Variants in SAMD4A observed in about 807,000 individuals in gnomAD.
SAMD4A encodes sterile alpha motif domain containing 4A, also known as protein Smaug homolog 1.
Under a neutral mutation model 81.3 loss-of-function variants are expected in SAMD4A, and 33 were observed. The ratio of observed to expected loss-of-function variants is 0.41; its 90% CI spans 0.31 to 0.54. SAMD4A has a LOEUF of 0.54. Among genes scored for constraint, SAMD4A ranks in the 20% least tolerant of loss-of-function variants. SAMD4A has a pLI of 0.37. For missense variants in SAMD4A, 854 were observed against 951.1 expected, an observed-to-expected ratio of 0.90 and a Z score of 1.34; for synonymous variants, 389 against 382.1, an observed-to-expected ratio of 1.02 and a Z score of -0.21.
At chr14:54,586,872 T>G (rs575672096) in intron 2 of SAMD4A, among the ~76,000 whole-genome samples, 1 of 152,286 alleles carries the variant, frequency 6.6e-6, no homozygotes, top group South Asian at 2.1e-4. Context: ...TCCTCCAGAT[T>G]TGTGATTCTT....
At chr14:54,632,281 T>C (rs1409547836) in intron 2 of SAMD4A, among the ~76,000 whole-genome samples, 1 of 152,216 alleles carries the variant, frequency 6.6e-6, no homozygotes, top group Non-Finnish European at 1.5e-5. Context: ...CTTTTGGAAA[T>C]CTCAATCTGG....
At chr14:54,583,721 A>T (rs2033540037) in intron 2 of SAMD4A, among the ~76,000 whole-genome samples, 1 of 152,254 alleles carries the variant, frequency 6.6e-6, no homozygotes, top group Admixed American at 6.5e-5. Flanking sequence ...TAGAATGGAT[A>T]CTGGAATCTA....
At chr14:54,751,674 AATGAT>A in intron 6 of SAMD4A, 137 bp downstream of exon 6, 2 of 685,014 alleles carry the variant, frequency 2.9e-6, no homozygotes, top group Non-Finnish European at 5.2e-6. Flanking sequence ...GAGAAAACGG[AATGAT>A]TTTGAAGTGA....
chr14:54,584,311 T>C (rs1190785668), intron 2 of SAMD4A, among the ~76,000 whole-genome samples: 1 of 152,218 alleles, frequency 6.6e-6, no homozygotes, highest in African/African-American at 2.4e-5. Flanking sequence ...TGGAGTGTCT[T>C]GCATGTGCAG....
intron 8 of SAMD4A, among the ~76,000 whole-genome samples, chr14:54,767,942 G>A (rs952221067): frequency 6.6e-6 from 1 of 152,204 alleles, no homozygotes; most frequent in African/African-American, 2.4e-5. Context: ...GGAGCCCGCT[G>A]CCCATTGAGG....
rs1380420217 is a variant in SAMD4A, at chr14:54,792,870, A to G, written c.*3926A>G. On this transcript the variant is annotated 3_prime_UTR_variant, in exon 13 of 13. Coordinates refer to ENST00000554335, the MANE Select transcript of SAMD4A (RefSeq NM_015589.6). ...ACAGAAAACTTCCTCCCTTATTAAT[A>G]TATAATCCTCATGTATTTATGCCTA... 6.6e-6 allele frequency: 1 copy of G among 152,206 alleles called. No individual in the cohort carries two copies. Among genetic ancestry groups the G allele is most frequent in the African/African-American group, 2.4e-5 (1 of 41,456 alleles). The allele number at this position is 152,206 out of a possible 1,614,324, so 9.4% of individuals were successfully genotyped here.
At chr14:54,586,771 T>C (rs1276229566) in intron 2 of SAMD4A, among the ~76,000 whole-genome samples, 1 of 152,206 alleles carries the variant, frequency 6.6e-6, no homozygotes, top group Non-Finnish European at 1.5e-5. Context: ...CTCTATTTTG[T>C]TCCATTGGTC....
In SAMD4A at chr14:54,574,470, A is replaced by G. The variant is rs142115002; in HGVS notation, c.196+6358A>G. On this transcript the variant is annotated intron_variant, in intron 2 of 12. Coordinates refer to ENST00000554335, the MANE Select transcript of SAMD4A (RefSeq NM_015589.6). Reference sequence around the variant, plus strand: ...ATGCAGGGAACTCTGTGCATGTGCCATGGAAGGGGCAGGCTTCCTGGGCCT... The same window carrying G: ...ATGCAGGGAACTCTGTGCATGTGCCGTGGAAGGGGCAGGCTTCCTGGGCCT... Among the ~76,000 whole-genome samples, 500 of 152,262 alleles carry G rather than the reference A, an allele frequency of 3.3e-3. 1 individual carries two copies. The highest frequency in any genetic ancestry group is 0.011 in the African/African-American group (457 of 41,536).
At chr14:54,596,240 A>C (rs911670378) in intron 2 of SAMD4A, among the ~76,000 whole-genome samples, 1 of 152,194 alleles carries the variant, frequency 6.6e-6, no homozygotes, top group African/African-American at 2.4e-5. Context: ...TTGGCAAAGC[A>C]TACCAGAAAT....
chr14:54,625,381 C>A (rs2034720628), intron 2 of SAMD4A, among the ~76,000 whole-genome samples: 1 of 152,208 alleles, frequency 6.6e-6, no homozygotes, highest in Admixed American at 6.5e-5. Context: ...GTCTTCCCTG[C>A]ACCAGGGTGT....
At chr14:54,565,975 C>A (rs2140086044), upstream of SAMD4A, among the ~76,000 whole-genome samples, 1 of 152,076 alleles carries the variant, frequency 6.6e-6, no homozygotes, top group South Asian at 2.1e-4. This position sits in a 1 kb window ranked among gnomAD's most constrained non-coding sequence, Gnocchi z 5.4. Flanking sequence ...CGGGGTTCCT[C>A]CCCCCGGCTC....
chr14:54,654,096 T>C (rs568801357), intron 2 of SAMD4A, among the ~76,000 whole-genome samples: 31 of 152,354 alleles, frequency 2.0e-4, no homozygotes, highest in African/African-American at 7.2e-4. Flanking sequence ...TCAGGAATTA[T>C]GTTTTGCTCC....
chr14:54,721,244 T>A (rs143565748), intron 3 of SAMD4A, among the ~76,000 whole-genome samples: 274 of 152,332 alleles, frequency 1.8e-3, no homozygotes, highest in Admixed American at 3.1e-3. Context: ...ATATTGTAGA[T>A]GTTCAATAAA....
intron 2 of SAMD4A, among the ~76,000 whole-genome samples, chr14:54,618,538 T>C (rs553577925): frequency 1.3e-5 from 2 of 152,364 alleles, no homozygotes; most frequent in African/African-American, 2.4e-5. Context: ...TTATCAAATT[T>C]CTCTTTAAAC....
chr14:54,677,084 G>C (rs987084287), intron 2 of SAMD4A, among the ~76,000 whole-genome samples: 6 of 152,204 alleles, frequency 3.9e-5, no homozygotes, highest in African/African-American at 1.4e-4. Flanking sequence ...CCATTTCTCT[G>C]TGAAAGTCAG....
At chr14:54,779,177 G>T (rs952902382) in intron 11 of SAMD4A, among the ~76,000 whole-genome samples, 9 of 152,190 alleles carry the variant, frequency 5.9e-5, no homozygotes, top group African/African-American at 2.2e-4. Flanking sequence ...AATCTGGTTC[G>T]CTATGGAGAC....
chr14:54,755,491 G>C (rs556297097), intron 6 of SAMD4A, among the ~76,000 whole-genome samples: 1 of 152,310 alleles, frequency 6.6e-6, no homozygotes, highest in East Asian at 1.9e-4. Flanking sequence ...GTAAGATATG[G>C]AGGGGCTGAA....
At chr14:54,629,021 T>C (rs1472039409) in intron 2 of SAMD4A, among the ~76,000 whole-genome samples, 1 of 152,124 alleles carries the variant, frequency 6.6e-6, no homozygotes, top group African/African-American at 2.4e-5. Context: ...TCTTTGGAAA[T>C]AGGGTCTTTG....
Position 54,635,078 on chromosome 14 carries a change from A to G in SAMD4A, c.196+66966A>G, listed in dbSNP as rs551710912. Among the ~76,000 whole-genome samples, 6 of 152,276 alleles carry G rather than the reference A, an allele frequency of 3.9e-5. No homozygotes were observed. In the East Asian group the frequency reaches 7.7e-4, roughly 20 times the overall value. On this transcript the variant is annotated intron_variant, in intron 2 of 12. Transcript: ENST00000554335. The stretch of plus-strand genomic sequence containing the variant: ...ATAAAAGTGAGTCTCATTTCTTAAT[A>G]GTTCACAAATCACTTTTATAATTAA...
Sources: allele counts gnomAD v4.1 joint callset (sites outside exome capture counted in the v4.1 genomes callset), GRCh38; gene constraint gnomAD v4.1.1; non-coding constraint Gnocchi (gnomAD v3.1); transcripts MANE v1.5; gene names NCBI Gene and HGNC (gene_info 2026-07-23, HGNC 2026-07-21).